Variants in KDR observed in about 807,000 individuals in gnomAD.
The protein encoded by KDR is vascular endothelial growth factor receptor 2.
Under a neutral mutation model 160.9 loss-of-function variants are expected in KDR, and 43 were observed. That is an observed-to-expected ratio of 0.27 (90% CI 0.21 to 0.34). KDR has a LOEUF of 0.34. Among genes scored for constraint, KDR ranks in the 10% least tolerant of loss-of-function variants. The pLI, the probability that KDR is intolerant of heterozygous loss-of-function variation, is 1.00. For missense variants in KDR, 1,469 were observed against 1,666.4 expected (o/e 0.88, Z 2.06); for synonymous variants, 617 against 600.1 (o/e 1.03, Z -0.41).
intron 18 of KDR, chr4:55,096,563 T>C: frequency 1.8e-6 from 1 of 569,376 alleles, no homozygotes; most frequent in Non-Finnish European, 3.1e-6. Context: ...AGTTTGATAT[T>C]TAAAGGAACC....
Position 55,118,684 on chromosome 4 carries a change from A to G in KDR, c.278T>C (p.Val93Ala), listed in dbSNP as rs1194785429. Reference protein sequence around the residue: ...LFCKTLTIPKVIGNDTGAYKC... With the variant: ...LFCKTLTIPKAIGNDTGAYKC... ...GTAGGCTCCAGTGTCATTTCCGATC[A>G]CTTTTGGAATTGTGAGTGTCTTACA... The change falls in exon 3 of 30, where the codon GTG (valine) becomes GCG (alanine). Residue 93 changes from valine (V) to alanine (A), a missense_variant. By Grantham distance (64) the Val-to-Ala change is moderately conservative. This residue lies in a region of KDR where 792 missense variants were observed against 840.9 expected (regional missense o/e 0.94). Coordinates refer to ENST00000263923, the MANE Select transcript of KDR (RefSeq NM_002253.4). 1 of 1,614,118 alleles carries G rather than the reference A, an allele frequency of 6.2e-7. No individual in the cohort carries two copies. The highest frequency in any genetic ancestry group is 2.2e-5 in the East Asian group (1 of 44,878).
chr4:55,110,263 C>T, intron 9 of KDR, 140 bp downstream of exon 9: 3 of 868,122 alleles, frequency 3.5e-6, no homozygotes, highest in South Asian at 2.9e-5. Flanking sequence ...TCAGCTTCAC[C>T]ACGCCAGATG....
intron 1 of KDR, among the ~76,000 whole-genome samples, chr4:55,121,977 A>G (rs1720892368): frequency 6.6e-6 from 1 of 152,200 alleles, no homozygotes; most frequent in Non-Finnish European, 1.5e-5. Context: ...ACATACATGC[A>G]AACTAATGTA....
At chr4:55,095,984 T>C (rs1433169403) in intron 19 of KDR, among the ~76,000 whole-genome samples, 2 of 152,216 alleles carry the variant, frequency 1.3e-5, no homozygotes, top group Admixed American at 1.3e-4. Context: ...TACTCTTCTC[T>C]GGACATCTGT....
At chr4:55,101,782 G>A in intron 15 of KDR, 115 bp downstream of exon 15, 2 of 885,284 alleles carry the variant, frequency 2.3e-6, no homozygotes, top group Non-Finnish European at 3.6e-6. Flanking sequence ...GTTTGCTGAG[G>A]ATAATGGCTT....
At chr4:55,121,593 A>G (rs1183655428) in intron 1 of KDR, among the ~76,000 whole-genome samples, 5 of 152,248 alleles carry the variant, frequency 3.3e-5, no homozygotes, top group Non-Finnish European at 4.4e-5. Context: ...TTGCTGATTA[A>G]CGAATCCCAC....
At position 55,094,901 on chromosome 4, in the gene KDR, C is replaced by G. The variant is rs2110015260; in HGVS notation, c.2872G>C (p.Asp958His). Reference protein sequence around the residue: ...GKDYVGAIPVDLKRRLDSITS... With the variant: ...GKDYVGAIPVHLKRRLDSITS... Reference sequence around the variant, plus strand: ...ATGCTGTCCAAGCGCCGTTTCAGATCCACAGGGATTGCTCCAACGTAGTCT... The same window carrying G: ...ATGCTGTCCAAGCGCCGTTTCAGATGCACAGGGATTGCTCCAACGTAGTCT... The change falls in exon 21 of 30, where the codon GAT (aspartate) becomes CAT (histidine). Residue 958 changes from aspartate to histidine, a missense_variant. By Grantham distance (81) the Asp-to-His change is moderately conservative. Around this residue, in one of 7 missense-constraint regions of KDR, gnomAD observed 151 missense variants for 207.2 expected, o/e 0.73. Coordinates refer to ENST00000263923, the MANE Select transcript of KDR (RefSeq NM_002253.4). 2 of 1,613,986 alleles carry G rather than the reference C, an allele frequency of 1.2e-6. No individual in the cohort carries two copies. Among genetic ancestry groups the G allele is most frequent in the Non-Finnish European group, 1.7e-6 (2 of 1,179,920 alleles).
rs149373186 is a variant in KDR at position 55,089,734 on chromosome 4, G to T, written c.3261C>A (p.Asp1087Glu). Residue 1087 changes from aspartate (D) to glutamate (E), a missense_variant, in exon 24 of 30, where the codon GAC (aspartate) becomes GAA (glutamate). Physicochemically the swap from Asp to Glu is conservative, Grantham distance 45. Coordinates refer to ENST00000263923, the MANE Select transcript of KDR (RefSeq NM_002253.4). Reference protein sequence around the residue: ...IFDRVYTIQSDVWSFGVLLWE... With the variant: ...IFDRVYTIQSEVWSFGVLLWE... ...ACAGCAAAACACCAAAAGACCAGACGTCACTCTGGATTGTGTACACTCTGT... is the reference window on the plus strand; with the variant it reads ...ACAGCAAAACACCAAAAGACCAGACTTCACTCTGGATTGTGTACACTCTGT... 1 of 1,614,000 alleles carries T rather than the reference G, an allele frequency of 6.2e-7. No individual in the cohort carries two copies. Among genetic ancestry groups the T allele is most frequent in the South Asian group, 1.1e-5 (1 of 91,070 alleles).
chr4:55,114,072 C>T (rs7692791), intron 6 of KDR, 54 bp downstream of exon 6: 868,841 of 1,606,028 alleles, frequency 0.54, 238,033 homozygotes, highest in South Asian at 0.68. Flanking sequence ...GCAAACTTCA[C>T]TGGGGCTTAT....
chr4:55,090,129 C>G (rs1227272801), intron 22 of KDR, 51 bp from the exon 23 acceptor site: 1 of 1,609,510 alleles, frequency 6.2e-7, no homozygotes, highest in Non-Finnish European at 8.5e-7. Context: ...TGATCTCTTT[C>G]ACATCTGTTG....
At position 55,079,252 on chromosome 4, in the gene KDR, T is replaced by C. The variant is rs1719662409; in HGVS notation, c.*689A>G. ...CGTAACGGTCTGGAAGGAACTCTCA[T>C]TAGGAGTCAGAAACAGCACAACGAA... On this transcript the variant is annotated 3_prime_UTR_variant, in exon 30 of 30. Coordinates refer to ENST00000263923, the MANE Select transcript of KDR (RefSeq NM_002253.4). The C allele has an allele frequency of 1.3e-5, 3 of 234,012 alleles. No individual in the cohort carries two copies. In the South Asian group the frequency reaches 5.4e-4, roughly 42 times the overall value. The allele number at this position is 234,012 out of a possible 1,614,324, so 14.5% of individuals were successfully genotyped here. A position where few individuals can be genotyped will look rare whatever the true frequency, so the allele number is the denominator to read the frequency against.
Position 55,079,878 on chromosome 4 carries a change from C to G in KDR, c.*63G>C, listed in dbSNP as rs1325816711. The G allele has an allele frequency of 7.0e-7, 1 of 1,421,700 alleles. No homozygotes were observed. The highest frequency in any genetic ancestry group is 9.9e-7 in the Non-Finnish European group (1 of 1,005,600). The allele number at this position is 1,421,700 out of a possible 1,614,324, so 88.1% of individuals were successfully genotyped here. A position where few individuals can be genotyped will look rare whatever the true frequency, so the allele number is the denominator to read the frequency against. ...CTTCCTGCTGGTGGAAAGAACAACA[C>G]TTGAAAATCTGAGCAGCACCTCTCA... On this transcript the variant is annotated 3_prime_UTR_variant, in exon 30 of 30. Coordinates refer to ENST00000263923, the MANE Select transcript of KDR (RefSeq NM_002253.4).
Position 55,098,699 on chromosome 4 carries a change from G to T in KDR, c.2371C>A (p.Arg791=), listed in dbSNP as rs777472312. 6.2e-7 allele frequency: 1 copy of T among 1,607,972 alleles called. No homozygotes were observed. The highest frequency in any genetic ancestry group is 8.5e-7 in the Non-Finnish European group (1 of 1,174,674). The change falls in exon 16 of 30, where the codon CGG becomes AGG. Residue 791 remains arginine (R), a splice_region_variant and synonymous_variant. Coordinates refer to ENST00000263923, the MANE Select transcript of KDR (RefSeq NM_002253.4). ...LLVIILRTVK[R]ANGGELKTGY... ...CAGAAGGGAAATTATTTTTTTACCC[G>T]CTTAACGGTCCGTAGGATGATGACA...
intron 1 of KDR, among the ~76,000 whole-genome samples, chr4:55,121,673 T>G (rs1720880920): frequency 6.6e-6 from 1 of 152,190 alleles, no homozygotes; most frequent in Non-Finnish European, 1.5e-5. Flanking sequence ...CCTTGTCTCA[T>G]TTTCCTTTAT....
intron 27 of KDR, among the ~76,000 whole-genome samples, chr4:55,085,100 G>C (rs992285071): frequency 1.3e-5 from 2 of 152,214 alleles, no homozygotes; most frequent in African/African-American, 4.8e-5. Context: ...CTTGATGTGT[G>C]AGGTGAAACT....
chr4:55,121,024 C>T (rs1472617605), intron 2 of KDR, 73 bp downstream of exon 2: 21 of 1,045,370 alleles, frequency 2.0e-5, no homozygotes, highest in Non-Finnish European at 2.8e-5. Flanking sequence ...TTCTGCTCTA[C>T]TGGAAATTAT....
At chr4:55,092,037 T>G (rs1401280310) in intron 22 of KDR, among the ~76,000 whole-genome samples, 1 of 152,188 alleles carries the variant, frequency 6.6e-6, no homozygotes, top group Non-Finnish European at 1.5e-5. Context: ...GAATGTAAAA[T>G]AAATTAAAAA....
intron 13 of KDR, among the ~76,000 whole-genome samples, chr4:55,102,762 G>A (rs756949453): frequency 1.3e-5 from 2 of 152,002 alleles, no homozygotes; most frequent in Non-Finnish European, 2.9e-5. Flanking sequence ...AAAGGTTCAG[G>A]GTCACCTTTA....
At chr4:55,080,457 CAT>C (rs35532137) in intron 29 of KDR, among the ~76,000 whole-genome samples, 2,137 of 152,302 alleles carry the variant, frequency 0.014, 51 homozygotes, top group African/African-American at 0.05. Flanking sequence ...ACTGATGGAA[CAT>C]GTTTATGGCC....
Sources: allele counts gnomAD v4.1 joint callset (sites outside exome capture counted in the v4.1 genomes callset), GRCh38; gene constraint gnomAD v4.1.1; regional missense constraint gnomAD v4.1.1; transcripts MANE v1.5; gene names NCBI Gene and HGNC (gene_info 2026-07-23, HGNC 2026-07-21).